The following LGR4 variants were observed in gnomAD, a reference collection of about 807,000 sequenced individuals.
LGR4 encodes leucine rich repeat containing G protein-coupled receptor 4, also known as leucine-rich repeat-containing G protein-coupled receptor 4.
In LGR4, 44 loss-of-function variants were observed where a neutral mutation model predicts 84.8. The observed-to-expected ratio is 0.52, with a 90% CI of 0.41 to 0.67. LGR4 has a LOEUF of 0.67. Ranked by LOEUF, LGR4 falls within the 30% of genes least tolerant of loss-of-function variation. The pLI, the probability that LGR4 is intolerant of heterozygous loss-of-function variation, is 0.00. For synonymous variants in LGR4, 429 were observed against 434.3 expected, an observed-to-expected ratio of 0.99 and a Z score of 0.15; for missense variants, 1,032 against 1,131.4, an observed-to-expected ratio of 0.91 and a Z score of 1.26.
intron 2 of LGR4, among the ~76,000 whole-genome samples, chr11:27,399,010 G>A (rs1405454829): frequency 1.3e-5 from 2 of 151,958 alleles, no homozygotes; most frequent in African/African-American, 2.4e-5. Context: ...AGGTTCAAGC[G>A]ATTTCTCCTC....
chr11:27,388,693 G>T (rs920313246), intron 4 of LGR4, among the ~76,000 whole-genome samples: 12 of 151,994 alleles, frequency 7.9e-5, no homozygotes, highest in African/African-American at 2.9e-4. Context: ...TTTAACTGTT[G>T]AAAGTCTTTG....
intron 11 of LGR4, among the ~76,000 whole-genome samples, chr11:27,378,360 C>A (rs1054191118): frequency 1.3e-5 from 2 of 152,044 alleles, no homozygotes; most frequent in Non-Finnish European, 2.9e-5. Flanking sequence ...TCTGCTTAGG[C>A]TGCAGATGAA....
intron 4 of LGR4, among the ~76,000 whole-genome samples, chr11:27,389,327 T>C (rs917081640): frequency 1.4e-4 from 22 of 152,068 alleles, no homozygotes; most frequent in African/African-American, 4.6e-4. Context: ...AAAAAGTTTG[T>C]TTTACCTCCA....
chr11:27,415,922 A>G (rs967687958), intron 1 of LGR4, among the ~76,000 whole-genome samples: 1 of 152,144 alleles, frequency 6.6e-6, no homozygotes, highest in African/African-American at 2.4e-5. Context: ...TCTGAAGTAC[A>G]CAGACTTTAT....
intron 1 of LGR4, among the ~76,000 whole-genome samples, chr11:27,470,242 T>C (rs952359235): frequency 6.6e-6 from 1 of 152,282 alleles, no homozygotes; most frequent in South Asian, 2.1e-4. Flanking sequence ...AGGCCCAAAG[T>C]TGAAGATACA....
At chr11:27,455,194 G>A (rs750608528) in intron 1 of LGR4, among the ~76,000 whole-genome samples, 2 of 151,996 alleles carry the variant, frequency 1.3e-5, no homozygotes, top group Non-Finnish European at 2.9e-5. Context: ...GTGCCACCAC[G>A]CCAGGCTAAT....
intron 16 of LGR4, 56 bp downstream of exon 16, chr11:27,372,227 G>A: frequency 2.0e-6 from 2 of 993,872 alleles, no homozygotes; most frequent in South Asian, 2.6e-5. Flanking sequence ...ATAATAACAG[G>A]AACTTTAATC....
chr11:27,439,125 G>A (rs913746950), intron 1 of LGR4, among the ~76,000 whole-genome samples: 5 of 152,022 alleles, frequency 3.3e-5, no homozygotes, highest in African/African-American at 7.2e-5. Flanking sequence ...CATTTTAAAT[G>A]TACAGTTCAG....
At chr11:27,443,448 ACT>A (rs1379558437) in intron 1 of LGR4, among the ~76,000 whole-genome samples, 6 of 151,982 alleles carry the variant, frequency 3.9e-5, no homozygotes, top group Non-Finnish European at 7.4e-5. Flanking sequence ...CAGCAAGACG[ACT>A]CTGTTTTCCC....
rs5790647 is a variant in LGR4 at position 27,375,297 on chromosome 11, C to CAA, written c.1181+1000_1181+1001dup. ...GCGACAAGAGTGAGAGACCCTGTCT[C>CAA]AAAAAAAAAAAAAAAAGAAAAAGAA... is the stretch of plus-strand genomic sequence containing the variant. On this transcript the variant is annotated intron_variant, in intron 13 of 17. Transcript: ENST00000379214. Among the ~76,000 whole-genome samples the CAA allele has an allele frequency of 5.0e-3, 588 of 117,938 alleles. 11 individuals are homozygous for CAA. In the East Asian group the frequency reaches 0.076, roughly 15 times the overall value. The allele number at this position is 117,938 out of a possible 152,430, so 77.4% of individuals were successfully genotyped here. A position where few individuals can be genotyped will look rare whatever the true frequency, so the allele number is the denominator to read the frequency against.
chr11:27,447,743 A>G (rs933776473), intron 1 of LGR4, among the ~76,000 whole-genome samples: 1 of 152,180 alleles, frequency 6.6e-6, no homozygotes, highest in African/African-American at 2.4e-5. Context: ...TTTGGGGTTC[A>G]TCCTATGACA....
intron 1 of LGR4, among the ~76,000 whole-genome samples, chr11:27,452,469 A>C (rs1354108544): frequency 2.0e-5 from 3 of 152,124 alleles, no homozygotes; most frequent in African/African-American, 7.2e-5. Flanking sequence ...ATGGTAAGGA[A>C]CTGCTCCACC....
intron 1 of LGR4, among the ~76,000 whole-genome samples, chr11:27,464,974 T>G (rs1864751925): frequency 6.6e-6 from 1 of 152,178 alleles, no homozygotes; most frequent in Non-Finnish European, 1.5e-5. Context: ...TAAAAAGGCT[T>G]ATCTTGATTC....
intron 2 of LGR4, among the ~76,000 whole-genome samples, chr11:27,405,210 C>A (rs1045338009): frequency 5.9e-5 from 9 of 152,128 alleles, no homozygotes; most frequent in African/African-American, 1.9e-4. Context: ...TAGTCATGGG[C>A]ATCTTTCTCC....
chr11:27,418,832 CTTT>C (rs55877673), intron 1 of LGR4, among the ~76,000 whole-genome samples: 19 of 128,732 alleles, frequency 1.5e-4, no homozygotes, highest in African/African-American at 3.5e-4. Flanking sequence ...GGATTGAAAT[CTTT>C]TTTTTTTTTT....
chr11:27,447,964 C>T (rs1352805392), intron 1 of LGR4, among the ~76,000 whole-genome samples: 2 of 152,212 alleles, frequency 1.3e-5, no homozygotes, highest in African/African-American at 2.4e-5. Context: ...CCTTATAATT[C>T]TCACTAATGC....
At chr11:27,439,455 T>G (rs1024922509) in intron 1 of LGR4, among the ~76,000 whole-genome samples, 1 of 152,250 alleles carries the variant, frequency 6.6e-6, no homozygotes, top group African/African-American at 2.4e-5. Context: ...TGCCATATTT[T>G]GTTTATCCAA....
intron 2 of LGR4, among the ~76,000 whole-genome samples, chr11:27,407,167 G>C (rs555528705): frequency 6.6e-6 from 1 of 152,090 alleles, no homozygotes; most frequent in Admixed American, 6.6e-5. Flanking sequence ...GGCTAGATAA[G>C]GAAATTTTAT....
intron 1 of LGR4, among the ~76,000 whole-genome samples, chr11:27,441,462 T>TA (rs568729482): frequency 2.0e-5 from 3 of 151,844 alleles, no homozygotes; most frequent in East Asian, 1.9e-4. Flanking sequence ...CATCATTACA[T>TA]AAAAAATCGC....
Sources: gnomAD v4.1 joint callset for allele counts (sites outside exome capture counted in the v4.1 genomes callset) on GRCh38, gnomAD v4.1.1 for gene constraint, MANE v1.5 for transcripts, NCBI Gene and HGNC (gene_info 2026-07-23, HGNC 2026-07-21) for gene names.